SUPT5H: variants seen among roughly 807,000 people sequenced by gnomAD.
SUPT5H encodes the protein SPT5 homolog, DSIF elongation factor subunit.
A neutral mutation model predicts 142.5 loss-of-function variants in SUPT5H; 24 were observed. That is an observed-to-expected ratio of 0.17 (90% CI 0.12 to 0.24). The LOEUF (loss-of-function observed/expected upper bound fraction) is 0.24. Ranked by LOEUF, SUPT5H falls within the 10% of genes least tolerant of loss-of-function variation. SUPT5H has a pLI of 1.00. For synonymous variants in SUPT5H, 546 were observed against 553.0 expected (o/e 0.99, Z 0.18); for missense variants, 893 against 1,471.8 (o/e 0.61, Z 6.43).
Position 39,464,789 on chromosome 19 carries a change from A to G in SUPT5H, c.625-9A>G. The stretch of plus-strand genomic sequence containing the variant: ...CACTGTTTCCTCCTTCCACCGGCTC[A>G]CCCTGCAGCCCCTGCAGATCAAGTC... On this transcript the variant is annotated splice_polypyrimidine_tract_variant and intron_variant, in intron 10 of 29. Coordinates refer to ENST00000432763, the MANE Select transcript of SUPT5H (RefSeq NM_001111020.3). 1 of 1,590,634 alleles carries G rather than the reference A, an allele frequency of 6.3e-7. No homozygotes were observed. Among genetic ancestry groups the G allele is most frequent in the South Asian group, 1.1e-5 (1 of 89,644 alleles).
At chr19:39,457,272 A>G (rs1004722418) in intron 3 of SUPT5H, among the ~76,000 whole-genome samples, 4 of 152,346 alleles carry the variant, frequency 2.6e-5, no homozygotes, top group Middle Eastern at 3.4e-3. Context: ...GGCAGGGTGT[A>G]TAGTATGCTC....
At chr19:39,462,844 T>C (rs1234585643) in intron 10 of SUPT5H, among the ~76,000 whole-genome samples, 7 of 127,902 alleles carry the variant, frequency 5.5e-5, no homozygotes, top group East Asian at 4.1e-4. Context: ...ATTTTCTTTT[T>C]TTTTTTTTTT....
chr19:39,463,745 G>A (rs1273153098), intron 10 of SUPT5H, among the ~76,000 whole-genome samples: 1 of 152,150 alleles, frequency 6.6e-6, no homozygotes, highest in Non-Finnish European at 1.5e-5. Flanking sequence ...ATTGAAAGCA[G>A]GGTATTGCAG....
chr19:39,458,261 ACCACC>A lies in SUPT5H; in HGVS notation c.308-32_308-28del. ...CACCACCACCACCACCACCACCACC[ACCACC>A]ACCACCACCTCCTCTTCCTCCAAGT... On this transcript the variant is annotated intron_variant, in intron 4 of 29. Coordinates refer to ENST00000432763, the MANE Select transcript of SUPT5H (RefSeq NM_001111020.3). The surrounding 1 kb of genome is among the most constrained non-coding windows in gnomAD (Gnocchi z 4.2). 1 of 727,722 alleles carries A rather than the reference ACCACC, an allele frequency of 1.4e-6. No individual in the cohort carries two copies. 45.1% of individuals were successfully genotyped at this position (727,722 alleles called of 1,614,324 possible). A position where few individuals can be genotyped will look rare whatever the true frequency, so the allele number is the denominator to read the frequency against.
intron 14 of SUPT5H, 96 bp downstream of exon 14, chr19:39,468,957 C>A (rs991263090): frequency 3.5e-5 from 55 of 1,550,468 alleles, no homozygotes; most frequent in South Asian, 5.6e-5. Flanking sequence ...CTGTCCCACT[C>A]CTCAAGTTAG....
At chr19:39,454,418 C>T (rs934045124) in intron 3 of SUPT5H, among the ~76,000 whole-genome samples, 6 of 146,402 alleles carry the variant, frequency 4.1e-5, no homozygotes, top group Non-Finnish European at 7.4e-5. Context: ...TGCGATGGCT[C>T]ACTGCAACCT....
intron 9 of SUPT5H, 24 bp downstream of exon 9, chr19:39,459,613 T>C (rs144810638): frequency 1.1e-4 from 171 of 1,613,646 alleles, no homozygotes; most frequent in Middle Eastern, 3.3e-4. Context: ...TCTCGGGGCT[T>C]GGAGGAGGTG....
rs1434603922 is a variant in SUPT5H, at chr19:39,470,250, G to C, written c.1506G>C (p.Leu502=). 1 of 1,586,952 alleles carries C rather than the reference G, an allele frequency of 6.3e-7. No homozygotes were observed. Among genetic ancestry groups the C allele is most frequent in the African/African-American group, 1.3e-5 (1 of 74,674 alleles). The part of the protein sequence containing the change: ...IVRVEENFVI[L]FSDLTMHELK... The stretch of plus-strand genomic sequence containing the variant: ...GGGTGGAGGAGAATTTCGTTATCCT[G>C]TTCTCTGACCTCACCATGCATGAGG... Residue 502 remains leucine, a synonymous_variant, in exon 17 of 30, where the codon CTG becomes CTC. Transcript: ENST00000432763. This position sits in a 1 kb window ranked among gnomAD's most constrained non-coding sequence, Gnocchi z 5.8.
At position 39,470,056 on chromosome 19, in the gene SUPT5H, G is replaced by A; in HGVS notation, c.1375-63G>A. On this transcript the variant is annotated intron_variant, in intron 16 of 29. Transcript: ENST00000432763. The surrounding 1 kb of genome is among the most constrained non-coding windows in gnomAD (Gnocchi z 5.8). ...ACATGCGTAGATTCTGAAGACAGGAGGGGCAGGCAGGTTGTGGTGGTCTCC... is the reference window on the plus strand; with the variant it reads ...ACATGCGTAGATTCTGAAGACAGGAAGGGCAGGCAGGTTGTGGTGGTCTCC... 1 of 1,568,688 alleles carries A rather than the reference G, an allele frequency of 6.4e-7. No homozygotes were observed. The highest frequency in any genetic ancestry group is 8.7e-7 in the Non-Finnish European group (1 of 1,150,524).
Position 39,469,129 on chromosome 19 carries a change from C to T in SUPT5H, c.1194C>T (p.Asp398=). The T allele has an allele frequency of 6.2e-7, 1 of 1,614,198 alleles. No individual in the cohort carries two copies. Among genetic ancestry groups the T allele is most frequent in the Non-Finnish European group, 8.5e-7 (1 of 1,180,026 alleles). The part of the protein sequence containing the change: ...PTLSELEKFE[D]QPEGIDLEVV... Reference sequence around the variant, plus strand: ...TCTCTGAGCTGGAAAAGTTTGAGGACCAGCCAGAGGGCATTGACCTGGAGG... The same window carrying T: ...TCTCTGAGCTGGAAAAGTTTGAGGATCAGCCAGAGGGCATTGACCTGGAGG... Residue 398 remains aspartate, a synonymous_variant, in exon 15 of 30, where the codon GAC becomes GAT. Transcript: ENST00000432763. This position sits in a 1 kb window ranked among gnomAD's most constrained non-coding sequence, Gnocchi z 5.1.
intron 9 of SUPT5H, 129 bp from the exon 10 acceptor site, chr19:39,459,763 G>T: frequency 1.5e-6 from 2 of 1,296,968 alleles, no homozygotes; most frequent in Non-Finnish European, 2.2e-6. Flanking sequence ...CATCTTCCTG[G>T]CTGTCCATCC....
At chr19:39,457,787 T>G (rs1258126083) in intron 4 of SUPT5H, 47 bp downstream of exon 4, 2 of 1,613,566 alleles carry the variant, frequency 1.2e-6, no homozygotes, top group Admixed American at 1.7e-5. Context: ...AGAGGGTGGC[T>G]GAGAGGGTCT....
At chr19:39,453,315 T>C in intron 2 of SUPT5H, 41 bp from the exon 3 acceptor site, 1 of 1,546,114 alleles carries the variant, frequency 6.5e-7, no homozygotes, top group South Asian at 1.2e-5. Context: ...ATTTTTGGGG[T>C]AGCAGAATTC....
At position 39,473,692 on chromosome 19, in the gene SUPT5H, G is replaced by A. The variant is rs963925206; in HGVS notation, c.2492+171G>A. Among the ~76,000 whole-genome samples the A allele has an allele frequency of 6.6e-5, 10 of 152,122 alleles. No homozygotes were observed. Among genetic ancestry groups the A allele is most frequent in the African/African-American group, 2.2e-4 (9 of 41,406 alleles). ...TAGCATGGCGGGGCGGGGGCAAAGC[G>A]GCCTCCTCTCCATCCCCAACCTCAG... On this transcript the variant is annotated intron_variant, in intron 25 of 29. Coordinates refer to ENST00000432763, the MANE Select transcript of SUPT5H (RefSeq NM_001111020.3). The surrounding 1 kb of genome is among the most constrained non-coding windows in gnomAD (Gnocchi z 5.8).
rs138413663 is a variant in SUPT5H at position 39,472,279 on chromosome 19, G to T, written c.1951-130G>T. 0.014 allele frequency: 11,809 copies of T among 819,846 alleles called. 169 individuals are homozygous for T. The highest frequency in any genetic ancestry group is 0.041 in the Middle Eastern group (176 of 4,318). 50.8% of individuals were successfully genotyped at this position (819,846 alleles called of 1,614,324 possible). A position where few individuals can be genotyped will look rare whatever the true frequency, so the allele number is the denominator to read the frequency against. On this transcript the variant is annotated intron_variant, in intron 20 of 29. Transcript: ENST00000432763. This position sits in a 1 kb window ranked among gnomAD's most constrained non-coding sequence, Gnocchi z 4.2. The stretch of plus-strand genomic sequence containing the variant: ...AAAGTGTGCAGGACCAGCTGTCACA[G>T]AGGAATTCAGGCCTGGGGTGTGGGT...
intron 10 of SUPT5H, among the ~76,000 whole-genome samples, chr19:39,463,006 ATTTT>A (rs34217986): frequency 3.9e-5 from 4 of 103,086 alleles, no homozygotes; most frequent in Non-Finnish European, 1.9e-5. Flanking sequence ...TGCCCAGCTA[ATTTT>A]TTTTTTTTTT....
Position 39,456,407 on chromosome 19 carries a change from T to TTTG in SUPT5H, c.242-1244_242-1242dup, listed in dbSNP as rs71169596. 9.0e-4 allele frequency among the ~76,000 whole-genome samples: 132 copies of TTTG among 147,244 alleles called. No homozygotes were observed. The East Asian group carries it at 0.02, about 22-fold the overall frequency. ...ACCAGGCCTGACTAGACTGTTTTTT[T>TTTG]TTGTTGTTGTTGTTGTTGTTGTTGT... On this transcript the variant is annotated intron_variant, in intron 3 of 29. Coordinates refer to ENST00000432763, the MANE Select transcript of SUPT5H (RefSeq NM_001111020.3).
Position 39,458,277 on chromosome 19 carries a change from C to G in SUPT5H, c.308-17C>G. The stretch of plus-strand genomic sequence containing the variant: ...ACCACCACCACCACCACCACCACCT[C>G]CTCTTCCTCCAAGTAGAAGAGATTG... On this transcript the variant is annotated splice_polypyrimidine_tract_variant and intron_variant, in intron 4 of 29. Transcript: ENST00000432763. This position sits in a 1 kb window ranked among gnomAD's most constrained non-coding sequence, Gnocchi z 4.2. 1 of 1,143,884 alleles carries G rather than the reference C, an allele frequency of 8.7e-7. No individual in the cohort carries two copies. The highest frequency in any genetic ancestry group is 1.3e-6 in the Non-Finnish European group (1 of 788,586). 70.9% of individuals were successfully genotyped at this position (1,143,884 alleles called of 1,614,324 possible).
chr19:39,449,450 T>C (rs1468854859), intron 2 of SUPT5H, among the ~76,000 whole-genome samples: 1 of 152,192 alleles, frequency 6.6e-6, no homozygotes, highest in Non-Finnish European at 1.5e-5. Flanking sequence ...TGAAGTCTTC[T>C]GTGCTTGGCC....
Sources: gnomAD v4.1 joint callset for allele counts (sites outside exome capture counted in the v4.1 genomes callset) on GRCh38, gnomAD v4.1.1 for gene constraint, Gnocchi (gnomAD v3.1) non-coding constraint, MANE v1.5 for transcripts, NCBI Gene and HGNC (gene_info 2026-07-23, HGNC 2026-07-21) for gene names.